Variants in GPR158 observed in about 807,000 individuals in gnomAD.
GPR158 encodes metabotropic glycine receptor.
In GPR158, 30 loss-of-function variants were observed where a neutral mutation model predicts 78.2. That is an observed-to-expected ratio of 0.38 (90% CI 0.29 to 0.52). The LOEUF (loss-of-function observed/expected upper bound fraction) is 0.52. GPR158 is among the 20% of genes least tolerant of loss of function. GPR158 has a pLI of 0.83. For missense variants in GPR158, 1,463 were observed against 1,523.5 expected, an observed-to-expected ratio of 0.96 and a Z score of 0.66; for synonymous variants, 581 against 591.1, an observed-to-expected ratio of 0.98 and a Z score of 0.25.
intron 3 of GPR158, among the ~76,000 whole-genome samples, chr10:25,402,214 C>T (rs1203102873): frequency 1.3e-5 from 2 of 152,170 alleles, no homozygotes; most frequent in East Asian, 3.9e-4. Context: ...ATATCAGGCA[C>T]ATCAAAACTG....
At chr10:25,513,944 G>A (rs865841838) in intron 5 of GPR158, among the ~76,000 whole-genome samples, 1 of 152,058 alleles carries the variant, frequency 6.6e-6, no homozygotes, top group African/African-American at 2.4e-5. Flanking sequence ...CTATCATATG[G>A]TCTGTCTTGG....
At chr10:25,378,564 C>T (rs1261236088) in intron 2 of GPR158, among the ~76,000 whole-genome samples, 2 of 151,704 alleles carry the variant, frequency 1.3e-5, no homozygotes, top group African/African-American at 2.4e-5. Flanking sequence ...GGTTTTAATA[C>T]AGTATTTCTT....
At chr10:25,542,226 C>T (rs1836596907) in intron 5 of GPR158, among the ~76,000 whole-genome samples, 2 of 152,082 alleles carry the variant, frequency 1.3e-5, no homozygotes, top group African/African-American at 2.4e-5. Context: ...AAATTCACAA[C>T]CAGTTTCACT....
chr10:25,537,154 A>C (rs973374592), intron 5 of GPR158, among the ~76,000 whole-genome samples: 1 of 152,246 alleles, frequency 6.6e-6, no homozygotes, highest in African/African-American at 2.4e-5. Flanking sequence ...CACAGACTGC[A>C]TACTCATGCA....
intron 7 of GPR158, 96 bp from the exon 8 acceptor site, chr10:25,588,911 A>T (rs1023064987): frequency 1.3e-6 from 1 of 753,860 alleles, no homozygotes; most frequent in Non-Finnish European, 2.0e-6. Context: ...TCTATTTATA[A>T]AAAACTTATG....
At chr10:25,572,911 GATGGTCTT>G in intron 7 of GPR158, 24 bp downstream of exon 7, 1 of 1,337,792 alleles carries the variant, frequency 7.5e-7, no homozygotes, top group Non-Finnish European at 1.1e-6. Flanking sequence ...TGTTTCGTAT[GATGGTCTT>G]ACCATTTTTC....
At chr10:25,420,540 A>G (rs1389545778) in intron 4 of GPR158, among the ~76,000 whole-genome samples, 2 of 152,134 alleles carry the variant, frequency 1.3e-5, no homozygotes, top group African/African-American at 4.8e-5. Flanking sequence ...TGATAGCCCA[A>G]TCTGAAGTCA....
At chr10:25,382,500 T>C (rs1334938455) in intron 2 of GPR158, among the ~76,000 whole-genome samples, 2 of 152,208 alleles carry the variant, frequency 1.3e-5, no homozygotes, top group African/African-American at 4.8e-5. Flanking sequence ...CAGTTTATCA[T>C]ACTTTTAAAA....
intron 4 of GPR158, among the ~76,000 whole-genome samples, chr10:25,432,091 A>T: frequency 1.3e-5 from 2 of 152,332 alleles, no homozygotes. Flanking sequence ...AAATACTAGT[A>T]TATCTTTATA....
intron 1 of GPR158, among the ~76,000 whole-genome samples, chr10:25,219,256 G>A (rs1853263961): frequency 6.6e-6 from 1 of 152,144 alleles, no homozygotes; most frequent in Non-Finnish European, 1.5e-5. Flanking sequence ...TTTTCAAAAT[G>A]TCTTATGCCT....
At chr10:25,416,831 GA>G (rs1043386058) in intron 4 of GPR158, among the ~76,000 whole-genome samples, 5 of 151,932 alleles carry the variant, frequency 3.3e-5, no homozygotes, top group African/African-American at 1.2e-4. Flanking sequence ...TCCAGCATAT[GA>G]AATAAAAACA....
intron 1 of GPR158, among the ~76,000 whole-genome samples, chr10:25,180,103 C>T (rs1039698821): frequency 3.9e-5 from 6 of 151,984 alleles, no homozygotes; most frequent in East Asian, 1.9e-4. Flanking sequence ...AATTAATTCT[C>T]GATGAGCCTG....
At chr10:25,387,673 G>A (rs1588839903) in intron 2 of GPR158, among the ~76,000 whole-genome samples, 1 of 152,084 alleles carries the variant, frequency 6.6e-6, no homozygotes, top group African/African-American at 2.4e-5. Flanking sequence ...ACGCCACCAT[G>A]CCTGGCTAAT....
chr10:25,341,044 T>A (rs1855296404), intron 2 of GPR158, among the ~76,000 whole-genome samples: 1 of 151,992 alleles, frequency 6.6e-6, no homozygotes, highest in African/African-American at 2.4e-5. Flanking sequence ...AAGGCAGAAG[T>A]CAGTGTAATG....
At chr10:25,442,845 T>C (rs1835086556) in intron 4 of GPR158, among the ~76,000 whole-genome samples, 1 of 152,180 alleles carries the variant, frequency 6.6e-6, no homozygotes, top group South Asian at 2.1e-4. Context: ...CTGATTGTTA[T>C]AGTACCTTCC....
intron 5 of GPR158, among the ~76,000 whole-genome samples, chr10:25,495,251 CT>C (rs1367507416): frequency 7.2e-6 from 1 of 139,590 alleles, no homozygotes; most frequent in Non-Finnish European, 1.5e-5. Flanking sequence ...TAACTCCATA[CT>C]TTTGCTATTT....
intron 5 of GPR158, among the ~76,000 whole-genome samples, chr10:25,515,694 T>G (rs1261956402): frequency 1.1e-3 from 164 of 149,458 alleles, no homozygotes; most frequent in Non-Finnish European, 1.9e-3. Flanking sequence ...ACAAAGGACA[T>G]GAACTCATCC....
chr10:25,300,692 A>G (rs1367854043), intron 2 of GPR158, among the ~76,000 whole-genome samples: 1 of 152,174 alleles, frequency 6.6e-6, no homozygotes, highest in Non-Finnish European at 1.5e-5. Context: ...TAAGTATTCC[A>G]TTAATGTTTA....
At chr10:25,405,372 T>C (rs1361091493) in intron 3 of GPR158, among the ~76,000 whole-genome samples, 2 of 151,922 alleles carry the variant, frequency 1.3e-5, no homozygotes, top group Non-Finnish European at 2.9e-5. Context: ...AGGATATATG[T>C]TATGAAAAAG....
Sources: allele counts gnomAD v4.1 joint callset (sites outside exome capture counted in the v4.1 genomes callset), GRCh38; gene constraint gnomAD v4.1.1; transcripts MANE v1.5; gene names NCBI Gene and HGNC (gene_info 2026-07-23, HGNC 2026-07-21).